MYZAP: variants seen among roughly 807,000 people sequenced by gnomAD.
MYZAP encodes the protein GRINL1A complex locus upstream.
MYZAP carries 66 observed loss-of-function variants against 69.4 expected under a neutral mutation model. The observed-to-expected ratio is 0.95, with a 90% CI of 0.78 to 1.17. MYZAP has a LOEUF of 1.17. Ranked by LOEUF, MYZAP falls within the 50% of genes most tolerant of loss-of-function variation. The pLI is 0.00. For missense variants in MYZAP, 611 were observed against 556.2 expected, an observed-to-expected ratio of 1.10 and a Z score of -0.99; for synonymous variants, 256 against 205.9, an observed-to-expected ratio of 1.24 and a Z score of -2.09.
intron 2 of MYZAP, among the ~76,000 whole-genome samples, chr15:57,607,219 T>C (rs903813182): frequency 6.6e-6 from 1 of 152,132 alleles, no homozygotes; most frequent in Admixed American, 6.5e-5. Flanking sequence ...ATATAGTCTT[T>C]TGGAGTTAGA....
At chr15:57,682,402 T>C (rs1202136344) in intron 12 of MYZAP, among the ~76,000 whole-genome samples, 1 of 152,126 alleles carries the variant, frequency 6.6e-6, no homozygotes, top group African/African-American at 2.4e-5. Context: ...GATGTCTTAG[T>C]CACCTAATCC....
At chr15:57,604,783 G>A (rs1402873383) in intron 2 of MYZAP, among the ~76,000 whole-genome samples, 6 of 152,238 alleles carry the variant, frequency 3.9e-5, no homozygotes, top group Non-Finnish European at 8.8e-5. Flanking sequence ...AGGAAAGGCT[G>A]GCAGGCAGGC....
intron 10 of MYZAP, chr15:57,646,464 C>A (rs1269157576): frequency 9.7e-7 from 1 of 1,034,700 alleles, no homozygotes. Context: ...CTTGAGTAGA[C>A]ATTGAAGAAG....
intron 10 of MYZAP, among the ~76,000 whole-genome samples, chr15:57,652,456 T>G (rs1163386600): frequency 6.6e-6 from 1 of 152,196 alleles, no homozygotes; most frequent in East Asian, 1.9e-4. Flanking sequence ...GAATGGACTT[T>G]AAAAAATACA....
intron 12 of MYZAP, among the ~76,000 whole-genome samples, chr15:57,679,369 TG>T (rs1358883762): frequency 5.7e-4 from 24 of 42,430 alleles, no homozygotes; most frequent in South Asian, 1.9e-3. Flanking sequence ...TGTGTGTGTG[TG>T]TGTGTTTCTC....
At chr15:57,635,877 G>A (rs538413677) in intron 8 of MYZAP, among the ~76,000 whole-genome samples, 27 of 152,252 alleles carry the variant, frequency 1.8e-4, no homozygotes, top group Non-Finnish European at 3.7e-4. Context: ...TTCTCTTGCT[G>A]AGCACTGTAT....
At chr15:57,682,164 C>G (rs942579973) in intron 12 of MYZAP, among the ~76,000 whole-genome samples, 3 of 152,140 alleles carry the variant, frequency 2.0e-5, no homozygotes, top group African/African-American at 7.2e-5. Context: ...AGGAATTCCT[C>G]CATCTAGCAA....
intron 12 of MYZAP, among the ~76,000 whole-genome samples, chr15:57,681,533 C>T (rs1379600887): frequency 6.6e-6 from 1 of 152,190 alleles, no homozygotes; most frequent in Non-Finnish European, 1.5e-5. Context: ...CCTGTAATCC[C>T]AGCACTTTGG....
intron 7 of MYZAP, 76 bp downstream of exon 7, chr15:57,632,635 A>C (rs978109248): frequency 3.0e-5 from 47 of 1,577,912 alleles, no homozygotes; most frequent in Non-Finnish European, 4.0e-5. Context: ...TATACGTAGT[A>C]GTGTTTATTC....
intron 9 of MYZAP, 117 bp from the exon 10 acceptor site, chr15:57,639,323 A>G (rs1165087299): frequency 8.1e-6 from 9 of 1,107,846 alleles, no homozygotes; most frequent in Non-Finnish European, 1.2e-5. Context: ...TTGGGATTAC[A>G]GGCATGAGCC....
intron 12 of MYZAP, among the ~76,000 whole-genome samples, chr15:57,678,741 C>T (rs182468284): frequency 1.0e-3 from 157 of 152,242 alleles, no homozygotes; most frequent in Non-Finnish European, 1.2e-4. Context: ...GTGCTGTAGG[C>T]ATGGGGCACT....
At chr15:57,681,649 A>C (rs1287800307) in intron 12 of MYZAP, among the ~76,000 whole-genome samples, 2 of 152,084 alleles carry the variant, frequency 1.3e-5, no homozygotes, top group African/African-American at 2.4e-5. Flanking sequence ...CCAGGTGGTC[A>C]TGGCACGCGC....
At chr15:57,618,551 G>T (rs1262215839) in intron 3 of MYZAP, among the ~76,000 whole-genome samples, 1 of 152,164 alleles carries the variant, frequency 6.6e-6, no homozygotes, top group African/African-American at 2.4e-5. Context: ...GGGTGATTCA[G>T]ATCAATCAGT....
intron 1 of MYZAP, among the ~76,000 whole-genome samples, chr15:57,592,591 G>A (rs2033748674): frequency 3.3e-5 from 5 of 152,084 alleles, no homozygotes; most frequent in Admixed American, 3.3e-4. Flanking sequence ...AACCAGAACA[G>A]CAGCCGGCCG....
intron 2 of MYZAP, among the ~76,000 whole-genome samples, chr15:57,610,864 C>A (rs931072415): frequency 1.3e-5 from 2 of 152,096 alleles, no homozygotes; most frequent in Non-Finnish European, 2.9e-5. Context: ...ATTTTTCTAA[C>A]CTTCTGAGAC....
chr15:57,668,892 A>ATTT (rs1424393924), intron 11 of MYZAP, among the ~76,000 whole-genome samples: 2 of 58,746 alleles, frequency 3.4e-5, no homozygotes, highest in East Asian at 8.1e-4. Context: ...ATATATATAT[A>ATTT]TATTTTTTTT....
intron 10 of MYZAP, among the ~76,000 whole-genome samples, chr15:57,644,207 TG>T (rs1369692566): frequency 6.6e-6 from 1 of 152,206 alleles, no homozygotes; most frequent in African/African-American, 2.4e-5. Context: ...CTGGGTTTCA[TG>T]TTCATGCATT....
intron 8 of MYZAP, among the ~76,000 whole-genome samples, chr15:57,635,703 G>A (rs2036778211): frequency 6.6e-6 from 1 of 152,222 alleles, no homozygotes; most frequent in Non-Finnish European, 1.5e-5. Context: ...GGATAAATCT[G>A]TGAGAGCAGG....
At chr15:57,596,474 C>T (rs1263302039) in intron 1 of MYZAP, among the ~76,000 whole-genome samples, 1 of 152,230 alleles carries the variant, frequency 6.6e-6, no homozygotes, top group African/African-American at 2.4e-5. Flanking sequence ...TCCAGTACTT[C>T]TCCAGCACAC....
Sources: allele counts gnomAD v4.1 joint callset (sites outside exome capture counted in the v4.1 genomes callset), GRCh38; gene constraint gnomAD v4.1.1; transcripts MANE v1.5; gene names NCBI Gene and HGNC (gene_info 2026-07-23, HGNC 2026-07-21).